Variants in ZC3H12B observed in about 807,000 individuals in gnomAD.
ZC3H12B encodes zinc finger CCCH-type containing 12B.
ZC3H12B carries 7 observed loss-of-function variants against 43.9 expected under a neutral mutation model. The ratio of observed to expected loss-of-function variants is 0.16; its 90% confidence interval spans 0.09 to 0.30. ZC3H12B has a LOEUF of 0.30. ZC3H12B is among the 10% of genes least tolerant of loss of function. The pLI is 1.00. For missense variants in ZC3H12B, 475 were observed against 670.2 expected (o/e 0.71, Z 3.22); for synonymous variants, 222 against 241.7 (o/e 0.92, Z 0.76).
the ZC3H12B span, among the ~76,000 whole-genome samples, chrX:65,317,851 CTATATA>C: frequency 3.2e-5 from 3 of 95,213 alleles, no homozygotes; most frequent in Admixed American, 1.2e-4. Flanking sequence ...CACGCACACA[CTATATA>C]TATATATATA....
At chrX:65,474,614 ATT>A (rs1049113406) in intron 3 of ZC3H12B, among the ~76,000 whole-genome samples, 1 of 103,258 alleles carries the variant, frequency 9.7e-6, no homozygotes, top group Non-Finnish European at 2.0e-5. Context: ...TCTTCCATAT[ATT>A]TTTTTTTTTT....
At chrX:65,248,331 G>C in the ZC3H12B span, among the ~76,000 whole-genome samples, 1 of 111,371 alleles carries the variant, frequency 9.0e-6, no homozygotes, top group Non-Finnish European at 1.9e-5. Context: ...CACCAAGCCA[G>C]AACATTTTTT....
chrX:65,212,802 C>A, the ZC3H12B span, among the ~76,000 whole-genome samples: 4 of 102,007 alleles, frequency 3.9e-5, no homozygotes, highest in East Asian at 1.2e-3. Context: ...ATGAGAACAT[C>A]GACTATATCT....
At chrX:65,072,416 C>A in the ZC3H12B span, among the ~76,000 whole-genome samples, 1 of 112,410 alleles carries the variant, frequency 8.9e-6, no homozygotes, top group Non-Finnish European at 1.9e-5. Context: ...GGTTCAGAAC[C>A]CTTGCTAGAA....
the ZC3H12B span, among the ~76,000 whole-genome samples, chrX:65,067,155 G>C: frequency 9.4e-6 from 1 of 106,917 alleles, no homozygotes; most frequent in Admixed American, 9.8e-5. Flanking sequence ...GAATTGTTCT[G>C]TCTCGCTGGG....
At chrX:65,296,719 C>A in the ZC3H12B span, among the ~76,000 whole-genome samples, 4 of 110,844 alleles carry the variant, frequency 3.6e-5, no homozygotes, top group Non-Finnish European at 7.6e-5. Context: ...AAAATACAGA[C>A]CAATATCCCT....
intron 3 of ZC3H12B, among the ~76,000 whole-genome samples, chrX:65,464,738 G>T (rs768794155): frequency 2.2e-4 from 24 of 110,450 alleles, no homozygotes; most frequent in Non-Finnish European, 4.6e-4. Context: ...TATTTTTAAT[G>T]TCGGTTTTTA....
chrX:65,392,461 C>T (rs762145297), intron 2 of ZC3H12B, among the ~76,000 whole-genome samples: 1 of 88,966 alleles, frequency 1.1e-5, no homozygotes, highest in South Asian at 6.3e-4. Flanking sequence ...GCAGCCGTCC[C>T]GTCTGGGAAG....
chrX:65,164,297 A>G, the ZC3H12B span, among the ~76,000 whole-genome samples: 1 of 111,432 alleles, frequency 9.0e-6, no homozygotes. Context: ...TGTGGGTTAT[A>G]GAACCAGTTG....
chrX:65,230,804 G>A, the ZC3H12B span, among the ~76,000 whole-genome samples: 1 of 111,298 alleles, frequency 9.0e-6, no homozygotes, highest in South Asian at 3.8e-4. Context: ...GAGTCTGAAA[G>A]AAAAGGATGC....
chrX:65,097,319 G>A, the ZC3H12B span, among the ~76,000 whole-genome samples: 2 of 111,328 alleles, frequency 1.8e-5, no homozygotes, highest in Non-Finnish European at 1.9e-5. Context: ...AGTTTTATTG[G>A]GTTCATGCTG....
At chrX:65,147,642 A>C in the ZC3H12B span, among the ~76,000 whole-genome samples, 1 of 111,199 alleles carries the variant, frequency 9.0e-6, no homozygotes, top group African/African-American at 3.3e-5. Flanking sequence ...GCCTGAGTCC[A>C]TGGAGGCAAT....
At chrX:65,369,918 T>C (rs909538809) in intron 2 of ZC3H12B, among the ~76,000 whole-genome samples, 1 of 111,261 alleles carries the variant, frequency 9.0e-6, no homozygotes, top group Admixed American at 9.6e-5. Flanking sequence ...TTGAAGCCTC[T>C]TCTTATAATT....
the ZC3H12B span, among the ~76,000 whole-genome samples, chrX:65,122,099 G>A: frequency 1.2e-4 from 13 of 111,245 alleles, no homozygotes; most frequent in African/African-American, 2.0e-4. Flanking sequence ...AGTGTGGTGT[G>A]GTGCTGAGAA....
the ZC3H12B span, among the ~76,000 whole-genome samples, chrX:65,300,454 C>A: frequency 3.6e-5 from 4 of 111,337 alleles, no homozygotes; most frequent in Non-Finnish European, 5.7e-5. Context: ...TCTGGGAATG[C>A]AATTTCATCA....
chrX:65,133,267 C>A, the ZC3H12B span, among the ~76,000 whole-genome samples: 1 of 110,928 alleles, frequency 9.0e-6, no homozygotes, highest in Non-Finnish European at 1.9e-5. Flanking sequence ...TATTGTACAC[C>A]TTGAAGGTGA....
chrX:65,468,620 A>C (rs1166360630), intron 3 of ZC3H12B, among the ~76,000 whole-genome samples: 2 of 100,301 alleles, frequency 2.0e-5, no homozygotes, highest in African/African-American at 7.5e-5. Context: ...AGTAGCTGGG[A>C]CTACAGGTGC....
the ZC3H12B span, among the ~76,000 whole-genome samples, chrX:65,129,257 G>GTA: frequency 9.4e-3 from 812 of 85,943 alleles, 8 homozygotes; most frequent in African/African-American, 0.032. Context: ...GTGTATATAT[G>GTA]TATATATATA....
chrX:65,057,871 G>A, the ZC3H12B span, among the ~76,000 whole-genome samples: 2 of 111,556 alleles, frequency 1.8e-5, no homozygotes, highest in Non-Finnish European at 1.9e-5. Flanking sequence ...CCAGTTGATC[G>A]AATTGGCTAC....
Sources: gnomAD v4.1 joint callset for allele counts (sites outside exome capture counted in the v4.1 genomes callset) on GRCh38, gnomAD v4.1.1 for gene constraint, MANE v1.5 for transcripts, NCBI Gene and HGNC (gene_info 2026-07-23, HGNC 2026-07-21) for gene names.